Variants in DPP10 observed in about 807,000 individuals in gnomAD.
DPP10 encodes the protein inactive dipeptidyl peptidase 10.
DPP10 carries 33 observed loss-of-function variants against 120.9 expected under a neutral mutation model. That is an observed-to-expected ratio of 0.27 (90% confidence interval 0.21 to 0.37). The LOEUF (loss-of-function observed/expected upper bound fraction) is 0.37. Among genes scored for constraint, DPP10 ranks in the 10% least tolerant of loss-of-function variants. The probability of loss-of-function intolerance (pLI) is 1.00; values close to 1 mark genes in which losing one functional copy is unlikely to be tolerated. For missense variants in DPP10, 816 were observed against 942.8 expected (o/e 0.87, Z 1.76); for synonymous variants, 337 against 326.1 (o/e 1.03, Z -0.36).
chr2:115,068,093 G>A (rs543557240), intron 1 of DPP10, among the ~76,000 whole-genome samples: 13 of 151,622 alleles, frequency 8.6e-5, no homozygotes, highest in Admixed American at 7.2e-4. Flanking sequence ...CACAATATTG[G>A]GATTGCTGGA....
At chr2:114,998,359 T>G (rs757513804) in intron 1 of DPP10, among the ~76,000 whole-genome samples, 13 of 152,186 alleles carry the variant, frequency 8.5e-5, no homozygotes, top group Admixed American at 3.3e-4. Flanking sequence ...ACATATTGCT[T>G]CAAACTCTTA....
chr2:115,768,347 G>T lies in DPP10; in HGVS notation c.1164G>T (p.Val388=). 6.2e-7 allele frequency: 1 copy of T among 1,613,682 alleles called. No individual in the cohort carries two copies. The highest frequency in any genetic ancestry group is 8.5e-7 in the Non-Finnish European group (1 of 1,179,702). ...ACGGCAGCAAATTCTTTATGACAGT[G>T]CCTGTTAAGCAAGGGGGACGTGGAG... ...SRDGSKFFMT[V]PVKQGGRGEF... The change falls in exon 13 of 26, where the codon GTG becomes GTT. Residue 388 remains valine (V), a synonymous_variant. Coordinates refer to ENST00000410059, the MANE Select transcript of DPP10 (RefSeq NM_020868.6).
At chr2:115,082,124 A>AACAG (rs1708322318) in intron 1 of DPP10, among the ~76,000 whole-genome samples, 1 of 152,190 alleles carries the variant, frequency 6.6e-6, no homozygotes, top group African/African-American at 2.4e-5. Context: ...ACAGGCCAGA[A>AACAG]TGTCCCTGTA....
chr2:115,583,487 G>A (rs911856617), intron 5 of DPP10, among the ~76,000 whole-genome samples: 20 of 152,298 alleles, frequency 1.3e-4, no homozygotes, highest in African/African-American at 4.8e-4. Context: ...ATGGTGCCTG[G>A]ATGAGATGGC....
intron 1 of DPP10, among the ~76,000 whole-genome samples, chr2:115,128,350 T>C (rs1364469906): frequency 6.6e-6 from 1 of 152,182 alleles, no homozygotes; most frequent in Non-Finnish European, 1.5e-5. Context: ...CAAGTCCAGT[T>C]CAAACTCCTT....
At chr2:115,278,536 A>G (rs545917698) in intron 1 of DPP10, among the ~76,000 whole-genome samples, 1 of 152,238 alleles carries the variant, frequency 6.6e-6, no homozygotes, top group East Asian at 1.9e-4. Context: ...TACAAGAAGC[A>G]CGGTGCCAAC....
At chr2:114,685,998 T>A (rs1228933148) in intron 1 of DPP10, among the ~76,000 whole-genome samples, 2 of 151,980 alleles carry the variant, frequency 1.3e-5, no homozygotes, top group Admixed American at 6.6e-5. Context: ...GCTCTACCAG[T>A]ACACTGTATT....
chr2:114,668,579 C>T (rs1176533918), intron 1 of DPP10, among the ~76,000 whole-genome samples: 4 of 152,118 alleles, frequency 2.6e-5, no homozygotes, highest in Non-Finnish European at 5.9e-5. Context: ...ATTAACATCA[C>T]ACACTATGAA....
chr2:114,632,647 G>C (rs1489055639), intron 1 of DPP10, among the ~76,000 whole-genome samples: 1 of 151,092 alleles, frequency 6.6e-6, no homozygotes, highest in Non-Finnish European at 1.5e-5. Flanking sequence ...CGAATAGCTG[G>C]GACTACAGGC....
chr2:115,498,311 A>G (rs912052549), intron 3 of DPP10, among the ~76,000 whole-genome samples: 3 of 152,150 alleles, frequency 2.0e-5, no homozygotes, highest in African/African-American at 7.2e-5. Flanking sequence ...TGTCATATAA[A>G]TTGTACGTGT....
intron 3 of DPP10, among the ~76,000 whole-genome samples, chr2:115,413,793 A>T (rs566198227): frequency 6.6e-6 from 1 of 152,320 alleles, no homozygotes; most frequent in Non-Finnish European, 1.5e-5. Flanking sequence ...GTCTCAACTC[A>T]GGGCCAGTTA....
intron 1 of DPP10, among the ~76,000 whole-genome samples, chr2:114,772,264 TCTC>T (rs1238113293): frequency 6.6e-6 from 1 of 151,926 alleles, no homozygotes; most frequent in African/African-American, 2.4e-5. Flanking sequence ...TTCAAGCTAT[TCTC>T]CTGCCTCAGC....
chr2:115,412,157 C>T (rs151049242), intron 3 of DPP10, among the ~76,000 whole-genome samples: 93 of 152,254 alleles, frequency 6.1e-4, no homozygotes, highest in African/African-American at 2.2e-3. Context: ...GCTAAGCACA[C>T]ATAATTGCAC....
intron 1 of DPP10, among the ~76,000 whole-genome samples, chr2:114,950,478 T>C (rs1285682593): frequency 6.6e-6 from 1 of 151,538 alleles, no homozygotes; most frequent in East Asian, 1.9e-4. Flanking sequence ...TATTTTTTTT[T>C]TGTATTTTTA....
intron 1 of DPP10, among the ~76,000 whole-genome samples, chr2:115,252,330 C>G (rs2105679093): frequency 6.6e-6 from 1 of 152,254 alleles, no homozygotes; most frequent in Non-Finnish European, 1.5e-5. Context: ...AGCCACTGTT[C>G]TTAATTTTCT....
chr2:115,764,825 C>T (rs1241048390), intron 12 of DPP10, among the ~76,000 whole-genome samples: 1 of 151,948 alleles, frequency 6.6e-6, no homozygotes, highest in Non-Finnish European at 1.5e-5. Context: ...AATGTATGAG[C>T]ATGGTAGCAG....
chr2:115,070,523 T>A (rs189567804), intron 1 of DPP10, among the ~76,000 whole-genome samples: 2 of 152,256 alleles, frequency 1.3e-5, no homozygotes, highest in Admixed American at 6.5e-5. Flanking sequence ...ATGCTGATGT[T>A]TTGTCCCTGA....
intron 1 of DPP10, among the ~76,000 whole-genome samples, chr2:114,780,521 T>C (rs1050464646): frequency 6.6e-6 from 1 of 152,094 alleles, no homozygotes; most frequent in African/African-American, 2.4e-5. Context: ...TGTGTTTATA[T>C]AGTAAAACAA....
intron 1 of DPP10, among the ~76,000 whole-genome samples, chr2:115,180,606 A>C (rs2054006790): frequency 6.6e-6 from 1 of 152,164 alleles, no homozygotes; most frequent in Non-Finnish European, 1.5e-5. Context: ...GCGGAGTACC[A>C]AGCTCTCTGT....
Sources: allele counts gnomAD v4.1 joint callset (sites outside exome capture counted in the v4.1 genomes callset), GRCh38; gene constraint gnomAD v4.1.1; transcripts MANE v1.5; gene names NCBI Gene and HGNC (gene_info 2026-07-23, HGNC 2026-07-21).